Variants in ATP11A observed in about 807,000 individuals in gnomAD.
The protein encoded by ATP11A is phospholipid-transporting ATPase IH.
ATP11A carries 81 observed loss-of-function variants against 154.4 expected under a neutral mutation model. The ratio of observed to expected loss-of-function variants is 0.52; its 90% CI spans 0.44 to 0.63. The LOEUF (loss-of-function observed/expected upper bound fraction) is 0.63. ATP11A is among the 30% of genes least tolerant of loss of function. The pLI is 0.00. For missense variants in ATP11A, 1,316 were observed against 1,474.3 expected (o/e 0.89, Z 1.76); for synonymous variants, 623 against 585.9 (o/e 1.06, Z -0.91).
intron 29 of ATP11A, chr13:112,880,505 C>A: frequency 7.8e-7 from 1 of 1,281,180 alleles, no homozygotes. Context: ...CTGGTGGCCC[C>A]GTGTGGCCCA....
intron 1 of ATP11A, among the ~76,000 whole-genome samples, chr13:112,707,099 G>A (rs1003229727): frequency 2.6e-5 from 4 of 152,172 alleles, no homozygotes; most frequent in Non-Finnish European, 4.4e-5. Context: ...CACTAAACGA[G>A]CATACAGTGC....
rs1222828895 is a variant in ATP11A at position 112,785,988 on chromosome 13, C to G, written c.162+731C>G. ...TCCTTCAAAATGGATGAGCTAAACC[C>G]ACGCACACGCGTGGACGGGCTGCAC... On this transcript the variant is annotated intron_variant, in intron 2 of 29. Transcript: ENST00000375645. The surrounding 1 kb of genome is among the most constrained non-coding windows in gnomAD (Gnocchi z 4.8). Among the ~76,000 whole-genome samples, 2 of 135,326 alleles carry G rather than the reference C, an allele frequency of 1.5e-5. No individual in the cohort carries two copies. The highest frequency in any genetic ancestry group is 5.6e-5 in the African/African-American group (2 of 35,616). 88.8% of individuals were successfully genotyped at this position (135,326 alleles called of 152,430 possible).
In ATP11A at chr13:112,740,355, G is replaced by A. The variant is rs189649091; in HGVS notation, c.40-44780G>A. Among the ~76,000 whole-genome samples the A allele has an allele frequency of 2.6e-3, 402 of 152,128 alleles. 2 individuals carry two copies. The highest frequency in any genetic ancestry group is 0.024 in the Admixed American group (361 of 15,262). The stretch of plus-strand genomic sequence containing the variant: ...ACACCCGGCTAATTTTGTATTTTTA[G>A]TAGAGACAGGGTTTCGCCATGTTGG... On this transcript the variant is annotated intron_variant, in intron 1 of 29. Coordinates refer to ENST00000375645, the MANE Select transcript of ATP11A (RefSeq NM_015205.3).
In ATP11A at chr13:112,858,204, T is replaced by G. The variant is rs2079990306; in HGVS notation, c.2581T>G (p.Phe861Val). Reference sequence around the variant, plus strand: ...GAACAGCGACTATGCAATCCCAAAGTTTAAGCATTTGAAGAAGATGCTGCT... The same window carrying G: ...GAACAGCGACTATGCAATCCCAAAGGTTAAGCATTTGAAGAAGATGCTGCT... ...ARNSDYAIPK[F>V]KHLKKMLLVH... The change falls in exon 22 of 30, where the codon TTT (phenylalanine) becomes GTT (valine). Residue 861 changes from phenylalanine to valine, a missense_variant. Around this residue, in one of 5 missense-constraint regions of ATP11A, gnomAD observed 876 missense variants for 1,006.8 expected, o/e 0.87. Coordinates refer to ENST00000375645, the MANE Select transcript of ATP11A (RefSeq NM_015205.3). The G allele has an allele frequency of 6.2e-7, 1 of 1,613,968 alleles. No individual in the cohort carries two copies. Among genetic ancestry groups the G allele is most frequent in the Admixed American group, 1.7e-5 (1 of 60,010 alleles).
chr13:112,712,975 A>G (rs1392480643), intron 1 of ATP11A, among the ~76,000 whole-genome samples: 2 of 152,206 alleles, frequency 1.3e-5, no homozygotes, highest in Non-Finnish European at 2.9e-5. Context: ...ATTTGTTTGA[A>G]TGTTTGAAAG....
At position 112,816,134 on chromosome 13, in the gene ATP11A, A is replaced by G; in HGVS notation, c.493A>G (p.Ile165Val). ...GGACGAGACCTTTCCCTGCGACTTG[A>G]TCTTCCTTTCCAGCAACCGGGGAGA... The part of the protein sequence containing the change: ...KEDETFPCDL[I>V]FLSSNRGDGT... The change falls in exon 6 of 30, where the codon ATC becomes GTC. Residue 165 changes from isoleucine (I) to valine (V), a missense_variant. Ile to Val is a conservative substitution (Grantham distance 29). This residue lies in a region of ATP11A where 876 missense variants were observed against 1,006.8 expected (regional missense o/e 0.87). Transcript: ENST00000375645. 4.3e-6 allele frequency: 7 copies of G among 1,614,158 alleles called. No individual in the cohort carries two copies. The highest frequency in any genetic ancestry group is 5.1e-6 in the Non-Finnish European group (6 of 1,180,038).
chr13:112,849,485 C>T (rs2079700712), intron 17 of ATP11A, among the ~76,000 whole-genome samples: 1 of 152,244 alleles, frequency 6.6e-6, no homozygotes, highest in East Asian at 1.9e-4. Context: ...AACCTAAGTT[C>T]TGGGACCATT....
chr13:112,852,536 G>T (rs1472871082), intron 18 of ATP11A, among the ~76,000 whole-genome samples: 1 of 152,340 alleles, frequency 6.6e-6, no homozygotes, highest in Middle Eastern at 3.4e-3. Flanking sequence ...GCCGCCGAAA[G>T]GCTTTGCTGC....
At chr13:112,863,534 C>T (rs1471795514) in intron 25 of ATP11A, among the ~76,000 whole-genome samples, 1 of 148,706 alleles carries the variant, frequency 6.7e-6, no homozygotes, top group East Asian at 2.0e-4. Flanking sequence ...TTCAGCATAG[C>T]ACGTGCAGCT....
intron 19 of ATP11A, among the ~76,000 whole-genome samples, chr13:112,854,855 G>A (rs1566576485): frequency 6.6e-6 from 1 of 152,332 alleles, no homozygotes; most frequent in East Asian, 1.9e-4. Context: ...TGAGACTTAG[G>A]GGCTCTGCTT....
intron 1 of ATP11A, among the ~76,000 whole-genome samples, chr13:112,711,819 C>T (rs867507238): frequency 3.3e-5 from 5 of 152,334 alleles, no homozygotes; most frequent in Middle Eastern, 3.4e-3. Context: ...TTGCTGTGAA[C>T]GTAGGGGAGC....
intron 4 of ATP11A, among the ~76,000 whole-genome samples, chr13:112,808,729 G>C (rs1314042688): frequency 6.6e-6 from 1 of 152,150 alleles, no homozygotes; most frequent in Non-Finnish European, 1.5e-5. Context: ...GTCTCCGCTG[G>C]GCACTGACGG....
intron 1 of ATP11A, among the ~76,000 whole-genome samples, chr13:112,713,718 C>G (rs1888032121): frequency 6.6e-6 from 1 of 152,132 alleles, no homozygotes; most frequent in Non-Finnish European, 1.5e-5. Context: ...GCCGTTTAAT[C>G]TTCTGATGAC....
chr13:112,732,837 T>C (rs1890630731), intron 1 of ATP11A, among the ~76,000 whole-genome samples: 1 of 152,188 alleles, frequency 6.6e-6, no homozygotes, highest in South Asian at 2.1e-4. Flanking sequence ...GGTCTTGAAC[T>C]CCCGACCTCA....
chr13:112,725,192 G>A (rs1240755379), intron 1 of ATP11A, among the ~76,000 whole-genome samples: 1 of 152,188 alleles, frequency 6.6e-6, no homozygotes, highest in Non-Finnish European at 1.5e-5. Context: ...ACTCAGGCTC[G>A]GGCTGGGCTC....
At chr13:112,709,960 T>C (rs1887557775) in intron 1 of ATP11A, among the ~76,000 whole-genome samples, 1 of 152,258 alleles carries the variant, frequency 6.6e-6, no homozygotes, top group African/African-American at 2.4e-5. Context: ...CAGCCCCTGT[T>C]GGAGCTGATG....
intron 2 of ATP11A, among the ~76,000 whole-genome samples, chr13:112,797,433 A>C (rs1202002220): frequency 1.3e-5 from 2 of 152,216 alleles, no homozygotes; most frequent in East Asian, 3.8e-4. Flanking sequence ...AGATAAATAC[A>C]AAAGCAGAAT....
At chr13:112,795,507 C>G (rs905361244) in intron 2 of ATP11A, among the ~76,000 whole-genome samples, 1 of 152,174 alleles carries the variant, frequency 6.6e-6, no homozygotes, top group Non-Finnish European at 1.5e-5. Flanking sequence ...TCCAAGGGTC[C>G]TTTGGAAGGA....
chr13:112,843,011 G>A (rs188923787), intron 17 of ATP11A, among the ~76,000 whole-genome samples: 51 of 152,374 alleles, frequency 3.3e-4, no homozygotes, highest in Middle Eastern at 6.8e-3. Flanking sequence ...CGGGCAACAC[G>A]TGGCTGGGGT....
Sources: allele counts gnomAD v4.1 joint callset (sites outside exome capture counted in the v4.1 genomes callset), GRCh38; gene constraint gnomAD v4.1.1; regional missense constraint gnomAD v4.1.1; non-coding constraint Gnocchi (gnomAD v3.1); transcripts MANE v1.5; gene names NCBI Gene and HGNC (gene_info 2026-07-23, HGNC 2026-07-21).